The following COIL variants were observed in gnomAD, a reference collection of about 807,000 sequenced individuals.
COIL encodes coilin.
COIL carries 28 observed loss-of-function variants against 51.6 expected under a neutral mutation model. The observed-to-expected ratio is 0.54, with a 90% CI of 0.40 to 0.74. COIL has a LOEUF of 0.74. COIL is among the 30% of genes least tolerant of loss of function. The pLI is 0.00. For missense variants in COIL, 667 were observed against 685.9 expected (o/e 0.97, Z 0.31); for synonymous variants, 233 against 255.8 (o/e 0.91, Z 0.85).
At chr17:56,942,578 C>T (rs1376542738) in intron 5 of COIL, among the ~76,000 whole-genome samples, 1 of 152,054 alleles carries the variant, frequency 6.6e-6, no homozygotes, top group Non-Finnish European at 1.5e-5. Flanking sequence ...TGTAGTGGCG[C>T]AATCTCGACT....
Position 56,946,455 on chromosome 17 carries a change from A to C in COIL, c.1545T>G (p.Leu515=), listed in dbSNP as rs1376914643. ...TAAAAGACTCACCAGGTAAGGATGA[A>C]AGAATTTCTATATCTACTTGCTGGG... ...PETQQVDIEI[L]SSLPALREPG... Residue 515 remains leucine, a synonymous_variant, in exon 5 of 7, where the codon CTT becomes CTG. Coordinates refer to ENST00000240316, the MANE Select transcript of COIL (RefSeq NM_004645.3). 1 of 1,608,156 alleles carries C rather than the reference A, an allele frequency of 6.2e-7. No homozygotes were observed. Among genetic ancestry groups the C allele is most frequent in the Admixed American group, 1.7e-5 (1 of 59,808 alleles).
intron 1 of COIL, among the ~76,000 whole-genome samples, chr17:56,953,366 A>C (rs527400063): frequency 4.8e-5 from 7 of 146,056 alleles, no homozygotes; most frequent in African/African-American, 1.8e-4. Context: ...AGCCGAGGTC[A>C]CACCACTGTA....
At chr17:56,946,005 C>T (rs537555862) in intron 5 of COIL, among the ~76,000 whole-genome samples, 5 of 152,218 alleles carry the variant, frequency 3.3e-5, no homozygotes, top group African/African-American at 1.2e-4. Flanking sequence ...TGTGAGCCAC[C>T]GTGCCCAGCC....
chr17:56,945,971 C>T (rs998853166), intron 5 of COIL, among the ~76,000 whole-genome samples: 1 of 152,210 alleles, frequency 6.6e-6, no homozygotes, highest in African/African-American at 2.4e-5. Context: ...CAACCTTGGC[C>T]TCCCAAAGTG....
rs763239843 is a variant in COIL at position 56,960,827 on chromosome 17, G to GC, written c.192dup (p.Leu65AlafsTer20). The GC allele has an allele frequency of 1.1e-4, 172 of 1,595,500 alleles. No individual in the cohort carries two copies. The highest frequency in any genetic ancestry group is 2.0e-4 in the African/African-American group (15 of 74,332). ...CGCGCGCTCTCGGCGGGGGGCAAGA[G>GC]CCCCCCCTCCAGGTAGAGGCCTAGG... On this transcript the variant is annotated frameshift_variant, in exon 1 of 7. Coordinates refer to ENST00000240316, the MANE Select transcript of COIL (RefSeq NM_004645.3). LOFTEE classifies it high-confidence loss of function.
At chr17:56,949,049 G>T (rs1700812075) in intron 4 of COIL, among the ~76,000 whole-genome samples, 1 of 152,088 alleles carries the variant, frequency 6.6e-6, no homozygotes, top group African/African-American at 2.4e-5. Flanking sequence ...CAAGATGGGG[G>T]GATTGCTTGA....
intron 5 of COIL, among the ~76,000 whole-genome samples, 188 bp from the exon 6 acceptor site, chr17:56,942,311 AG>A (rs149264796): frequency 6.6e-6 from 1 of 152,198 alleles, no homozygotes; most frequent in East Asian, 1.9e-4. Flanking sequence ...ACTCTGGACC[AG>A]GGGGACTTCT....
At chr17:56,939,524 C>G (rs565010087) in intron 6 of COIL, among the ~76,000 whole-genome samples, 1 of 151,968 alleles carries the variant, frequency 6.6e-6, no homozygotes, top group Non-Finnish European at 1.5e-5. Flanking sequence ...CCAAGGCAGT[C>G]GGATCATCTA....
In COIL at chr17:56,938,363, T is replaced by A. The variant is rs1910079356; in HGVS notation, c.*708A>T. The A allele has an allele frequency of 6.6e-6, 1 of 152,212 alleles. No individual in the cohort carries two copies. The highest frequency in any genetic ancestry group is 1.5e-5 in the Non-Finnish European group (1 of 68,044). The allele number at this position is 152,212 out of a possible 1,614,324, so 9.4% of individuals were successfully genotyped here. The stretch of plus-strand genomic sequence containing the variant: ...GTTCAAGATCCTCACTCCAGCACAC[T>A]CAGCCAGGTGCCTGGCAAGATGACA... On this transcript the variant is annotated 3_prime_UTR_variant, in exon 7 of 7. Coordinates refer to ENST00000240316, the MANE Select transcript of COIL (RefSeq NM_004645.3).
At chr17:56,944,288 A>G (rs1910202508) in intron 5 of COIL, among the ~76,000 whole-genome samples, 1 of 152,154 alleles carries the variant, frequency 6.6e-6, no homozygotes, top group African/African-American at 2.4e-5. Context: ...ATGAAATCTC[A>G]TCAGAAGAAA....
intron 1 of COIL, among the ~76,000 whole-genome samples, chr17:56,957,021 A>G (rs1206709270): frequency 6.6e-6 from 1 of 152,298 alleles, no homozygotes; most frequent in South Asian, 2.1e-4. Context: ...TGTAGTCCCA[A>G]CACTTTGGGA....
chr17:56,948,258 C>A (rs1293871270), intron 4 of COIL, among the ~76,000 whole-genome samples: 1 of 151,664 alleles, frequency 6.6e-6, no homozygotes, highest in African/African-American at 2.4e-5. Flanking sequence ...CCTCAGCCTC[C>A]TGAGTAGCTG....
intron 5 of COIL, among the ~76,000 whole-genome samples, chr17:56,944,251 C>G (rs559792074): frequency 1.8e-4 from 28 of 152,188 alleles, no homozygotes; most frequent in African/African-American, 6.7e-4. Flanking sequence ...TTCTGTCCAC[C>G]GTTCCTAAGA....
chr17:56,942,139 A>G lies in COIL; in HGVS notation c.1559-16T>C, dbSNP rs1004464572. 6.3e-7 allele frequency: 1 copy of G among 1,589,774 alleles called. No individual in the cohort carries two copies. Among genetic ancestry groups the G allele is most frequent in the African/African-American group, 1.3e-5 (1 of 74,500 alleles). ...TCTCTCAAGGCTGAAACAAGAAGATAGGGAGGAAAGAGAGTAAGTCATTTT... is the reference window on the plus strand; with the variant it reads ...TCTCTCAAGGCTGAAACAAGAAGATGGGGAGGAAAGAGAGTAAGTCATTTT... On this transcript the variant is annotated splice_polypyrimidine_tract_variant and intron_variant, in intron 5 of 6. Coordinates refer to ENST00000240316, the MANE Select transcript of COIL (RefSeq NM_004645.3).
At chr17:56,959,342 T>A (rs1196080582) in intron 1 of COIL, among the ~76,000 whole-genome samples, 1 of 151,996 alleles carries the variant, frequency 6.6e-6, no homozygotes, top group Admixed American at 6.6e-5. Flanking sequence ...CCAGTCTCTT[T>A]ATTTAAAAAA....
intron 1 of COIL, among the ~76,000 whole-genome samples, chr17:56,956,220 T>G (rs909057791): frequency 3.3e-5 from 5 of 152,170 alleles, no homozygotes; most frequent in Non-Finnish European, 7.4e-5. Flanking sequence ...TACAGCAATA[T>G]GAAATGAGAA....
At chr17:56,943,489 G>A (rs952471545) in intron 5 of COIL, among the ~76,000 whole-genome samples, 1 of 152,062 alleles carries the variant, frequency 6.6e-6, no homozygotes, top group Non-Finnish European at 1.5e-5. Context: ...TTATCTTTGT[G>A]GGCCAATTCC....
At chr17:56,957,632 A>G (rs2144406191) in intron 1 of COIL, among the ~76,000 whole-genome samples, 1 of 152,186 alleles carries the variant, frequency 6.6e-6, no homozygotes, top group South Asian at 2.1e-4. Context: ...AAGAAAAATA[A>G]ATAAATTAAT....
In COIL at chr17:56,949,958, A is replaced by C. The variant is rs1405429929; in HGVS notation, c.1284T>G (p.Asn428Lys). 1 of 1,614,004 alleles carries C rather than the reference A, an allele frequency of 6.2e-7. No homozygotes were observed. The highest frequency in any genetic ancestry group is 1.3e-5 in the African/African-American group (1 of 74,912). Residue 428 changes from asparagine to lysine, a missense_variant, in exon 2 of 7, where the codon AAT (asparagine) becomes AAG (lysine). Coordinates refer to ENST00000240316, the MANE Select transcript of COIL (RefSeq NM_004645.3). Reference sequence around the variant, plus strand: ...GTTGCCTCTGGTTGTCAGTGCTTCTATTTACAACACAGGAAACAGGATGCC... The same window carrying C: ...GTTGCCTCTGGTTGTCAGTGCTTCTCTTTACAACACAGGAAACAGGATGCC... Reference protein sequence around the residue: ...GRGHPVSCVVNRSTDNQRQQQ... With the variant: ...GRGHPVSCVVKRSTDNQRQQQ...
Sources: allele counts gnomAD v4.1 joint callset (sites outside exome capture counted in the v4.1 genomes callset), GRCh38; gene constraint gnomAD v4.1.1; transcripts MANE v1.5; gene names NCBI Gene and HGNC (gene_info 2026-07-23, HGNC 2026-07-21).